Variants in KLHL1 observed in about 807,000 individuals in gnomAD.
KLHL1 encodes the protein kelch-like protein 1.
In KLHL1, 47 loss-of-function variants were observed where a neutral mutation model predicts 77.7. The ratio of observed to expected loss-of-function variants is 0.60; its 90% CI spans 0.48 to 0.77. The LOEUF (loss-of-function observed/expected upper bound fraction) is 0.77, where lower values mean the gene tolerates loss of function less well. Ranked by LOEUF, KLHL1 falls within the 30% of genes least tolerant of loss-of-function variation. The pLI, the probability that KLHL1 is intolerant of heterozygous loss-of-function variation, is 0.00. For synonymous variants in KLHL1, 360 were observed against 325.2 expected (o/e 1.11, Z -1.15); for missense variants, 925 against 910.8 (o/e 1.02, Z -0.20).
chr13:70,009,541 T>C (rs1205383579), intron 1 of KLHL1, among the ~76,000 whole-genome samples: 1 of 152,130 alleles, frequency 6.6e-6, no homozygotes, highest in Non-Finnish European at 1.5e-5. Flanking sequence ...ACTTATATTC[T>C]ACTACCTTCC....
At chr13:69,920,240 G>A (rs111229477) in intron 4 of KLHL1, among the ~76,000 whole-genome samples, 334 of 152,060 alleles carry the variant, frequency 2.2e-3, no homozygotes, top group African/African-American at 7.3e-3. Context: ...TAAAATACAT[G>A]TGAGATTGTC....
At chr13:69,914,926 C>T (rs944686474) in intron 4 of KLHL1, among the ~76,000 whole-genome samples, 22 of 152,114 alleles carry the variant, frequency 1.4e-4, no homozygotes, top group African/African-American at 5.1e-4. Context: ...GAGAAAGCCT[C>T]ATTAATACAA....
At chr13:69,987,206 C>T (rs1038184258) in intron 1 of KLHL1, among the ~76,000 whole-genome samples, 2 of 151,808 alleles carry the variant, frequency 1.3e-5, no homozygotes, top group East Asian at 1.9e-4. Flanking sequence ...CTAATTAAAC[C>T]GATGGTATTA....
chr13:69,949,640 G>A lies in KLHL1; in HGVS notation c.818-9404C>T, dbSNP rs192245874. ...GGGAGTTGTACTCTATCTCCATGAC[G>A]GTGGAATAACTGGCATAAATACTTT... On this transcript the variant is annotated intron_variant, in intron 3 of 10. Coordinates refer to ENST00000377844, the MANE Select transcript of KLHL1 (RefSeq NM_020866.3). Among the ~76,000 whole-genome samples, 235 of 151,676 alleles carry A rather than the reference G, an allele frequency of 1.5e-3. 1 individual carries two copies. Among genetic ancestry groups the A allele is most frequent in the African/African-American group, 5.2e-3 (216 of 41,440 alleles).
intron 6 of KLHL1, among the ~76,000 whole-genome samples, chr13:69,836,205 C>T (rs1419946377): frequency 3.3e-5 from 5 of 152,002 alleles, no homozygotes; most frequent in Non-Finnish European, 7.4e-5. Flanking sequence ...GGCCTCTGGG[C>T]AGTCTGATGG....
chr13:69,954,432 T>G (rs1360865072), intron 3 of KLHL1, among the ~76,000 whole-genome samples: 6 of 151,266 alleles, frequency 4.0e-5, no homozygotes, highest in Non-Finnish European at 7.4e-5. Flanking sequence ...AATTCTTAGC[T>G]TCTCACAAAG....
intron 10 of KLHL1, among the ~76,000 whole-genome samples, chr13:69,707,052 C>T (rs1875659268): frequency 6.6e-6 from 1 of 151,958 alleles, no homozygotes; most frequent in Admixed American, 6.6e-5. Flanking sequence ...AAGGAGTGAG[C>T]ACTCACTACA....
intron 4 of KLHL1, among the ~76,000 whole-genome samples, chr13:69,886,668 ATTGT>A (rs908521447): frequency 1.2e-4 from 19 of 152,184 alleles, no homozygotes; most frequent in Middle Eastern, 3.4e-3. Context: ...ATATTTTATT[ATTGT>A]TTAAGTAACT....
chr13:69,706,053 G>C (rs1336812726), intron 10 of KLHL1, among the ~76,000 whole-genome samples: 1 of 151,582 alleles, frequency 6.6e-6, no homozygotes, highest in Non-Finnish European at 1.5e-5. Context: ...ATGCATGCAG[G>C]GTTTGCTTTG....
chr13:69,740,935 C>A (rs1873962693), intron 7 of KLHL1, among the ~76,000 whole-genome samples: 1 of 151,966 alleles, frequency 6.6e-6, no homozygotes, highest in Non-Finnish European at 1.5e-5. Flanking sequence ...TACTAAGAAT[C>A]AAAGGTAAGA....
chr13:69,728,270 G>A (rs1873390196), intron 8 of KLHL1, among the ~76,000 whole-genome samples: 1 of 152,058 alleles, frequency 6.6e-6, no homozygotes. Flanking sequence ...TGCAAGTGAT[G>A]GACCTTGAGG....
At chr13:69,862,640 C>A (rs1880217263) in intron 5 of KLHL1, among the ~76,000 whole-genome samples, 1 of 152,008 alleles carries the variant, frequency 6.6e-6, no homozygotes, top group African/African-American at 2.4e-5. Context: ...GCGTTAACCT[C>A]AAGGTGAGTG....
chr13:69,847,884 T>A (rs1400399798), intron 5 of KLHL1, among the ~76,000 whole-genome samples: 1 of 151,588 alleles, frequency 6.6e-6, no homozygotes, highest in Non-Finnish European at 1.5e-5. Context: ...TAAAATATTA[T>A]CTCATAAGCT....
chr13:69,924,089 C>T (rs150627076), intron 4 of KLHL1, among the ~76,000 whole-genome samples: 7 of 152,188 alleles, frequency 4.6e-5, no homozygotes, highest in Admixed American at 1.3e-4. Context: ...CTGCCTCGAC[C>T]CCCTCTGGAC....
At position 70,072,487 on chromosome 13, in the gene KLHL1, G is replaced by A. The variant is rs1046278439; in HGVS notation, c.497+34716C>T. Among the ~76,000 whole-genome samples, 42 of 152,142 alleles carry A rather than the reference G, an allele frequency of 2.8e-4. 1 individual carries two copies. The highest frequency in any genetic ancestry group is 8.4e-4 in the African/African-American group (35 of 41,474). ...AACCAAAACCAGACAATGATGTTACGAAAAAGAAAACTACAGATCAATATC... is the reference window on the plus strand; with the variant it reads ...AACCAAAACCAGACAATGATGTTACAAAAAAGAAAACTACAGATCAATATC... On this transcript the variant is annotated intron_variant, in intron 1 of 10. Transcript: ENST00000377844.
At chr13:69,731,675 G>A (rs1007233700) in intron 8 of KLHL1, among the ~76,000 whole-genome samples, 6 of 152,102 alleles carry the variant, frequency 3.9e-5, no homozygotes, top group African/African-American at 1.4e-4. Context: ...GAATTGACAA[G>A]TAGCTATTTG....
At position 70,108,088 on chromosome 13, in the gene KLHL1, G is replaced by A. The variant is rs560824859; in HGVS notation, c.-389C>T. The A allele has an allele frequency of 9.6e-6, 4 of 416,690 alleles. 1 individual carries two copies. The South Asian group carries it at 3.8e-4, about 40-fold the overall frequency. The allele number at this position is 416,690 out of a possible 1,614,324, so 25.8% of individuals were successfully genotyped here. On this transcript the variant is annotated 5_prime_UTR_variant, in exon 1 of 11. Coordinates refer to ENST00000377844, the MANE Select transcript of KLHL1 (RefSeq NM_020866.3). ...TGAGCGCTCCGAAGCTCCGGAGGCG[G>A]CTGCAGCTGGATACACCTCACTGGG...
intron 1 of KLHL1, among the ~76,000 whole-genome samples, chr13:70,094,785 A>G (rs566650325): frequency 1.3e-5 from 2 of 152,184 alleles, no homozygotes; most frequent in East Asian, 3.9e-4. Flanking sequence ...CTGCCACTCC[A>G]TTGCAATTCC....
At chr13:69,814,782 G>T (rs550772268) in intron 6 of KLHL1, among the ~76,000 whole-genome samples, 79 of 152,266 alleles carry the variant, frequency 5.2e-4, no homozygotes, top group African/African-American at 1.8e-3. Context: ...GGAGGCTAAG[G>T]CAGGTGGATC....
Sources: allele counts gnomAD v4.1 joint callset (sites outside exome capture counted in the v4.1 genomes callset), GRCh38; gene constraint gnomAD v4.1.1; transcripts MANE v1.5; gene names NCBI Gene and HGNC (gene_info 2026-07-23, HGNC 2026-07-21).